The following WDR27 variants were observed in gnomAD, a reference collection of about 807,000 sequenced individuals.
WDR27 encodes WD repeat domain 27, also known as WD repeat-containing protein 27.
Under a neutral mutation model 114.4 loss-of-function variants are expected in WDR27, and 100 were observed. The observed-to-expected ratio is 0.87, with a 90% CI of 0.74 to 1.03. The LOEUF (loss-of-function observed/expected upper bound fraction) is 1.03. Among genes scored for constraint, WDR27 ranks in the 50% least tolerant of loss-of-function variants. WDR27 has a pLI of 0.00. For missense variants in WDR27, 1,129 were observed against 1,092.9 expected (o/e 1.03, Z -0.47); for synonymous variants, 449 against 423.1 (o/e 1.06, Z -0.75).
intron 21 of WDR27, among the ~76,000 whole-genome samples, chr6:169,616,260 C>A (rs1235346497): frequency 6.6e-6 from 1 of 152,112 alleles, no homozygotes; most frequent in Non-Finnish European, 1.5e-5. Context: ...GAGGCCAAGG[C>A]GGGCGGATCA....
chr6:169,543,006 C>G (rs1030066362), intron 25 of WDR27, among the ~76,000 whole-genome samples: 2 of 151,480 alleles, frequency 1.3e-5, no homozygotes, highest in African/African-American at 4.9e-5. Flanking sequence ...CAGAGCATCT[C>G]AGCATGGACT....
chr6:169,501,073 C>T (rs559649079), intron 25 of WDR27, among the ~76,000 whole-genome samples: 36 of 152,322 alleles, frequency 2.4e-4, no homozygotes, highest in African/African-American at 8.2e-4. Context: ...GATCTGAAGG[C>T]AGTAGAGAGG....
chr6:169,672,130 A>G, intron 3 of WDR27, 125 bp downstream of exon 3: 1 of 986,930 alleles, frequency 1.0e-6, no homozygotes, highest in South Asian at 1.9e-5. Context: ...GTACAAAATT[A>G]TCCCAAACCC....
chr6:169,528,285 GTTAC>G (rs1449293800), intron 25 of WDR27, among the ~76,000 whole-genome samples: 3 of 152,036 alleles, frequency 2.0e-5, no homozygotes, highest in African/African-American at 7.2e-5. Flanking sequence ...AATGAAAAAA[GTTAC>G]TTAAACAGTG....
intron 25 of WDR27, among the ~76,000 whole-genome samples, chr6:169,509,831 C>G (rs1412637737): frequency 2.0e-4 from 31 of 152,120 alleles, no homozygotes; most frequent in Non-Finnish European, 3.5e-4. Flanking sequence ...ACCACCATCA[C>G]AGTGAACAGG....
At chr6:169,524,205 T>C (rs1460533389) in intron 25 of WDR27, among the ~76,000 whole-genome samples, 1 of 151,984 alleles carries the variant, frequency 6.6e-6, no homozygotes, top group Non-Finnish European at 1.5e-5. Flanking sequence ...GAATATAAAA[T>C]GCCTAGGAAT....
At chr6:169,631,384 A>G (rs1816317167) in intron 21 of WDR27, among the ~76,000 whole-genome samples, 2 of 151,310 alleles carry the variant, frequency 1.3e-5, no homozygotes, top group South Asian at 4.2e-4. Flanking sequence ...GCCTTCTCCT[A>G]TTGAAACTTG....
At position 169,634,411 on chromosome 6, in the gene WDR27, T is replaced by A. The variant is rs1212005177; in HGVS notation, c.2101+17A>T. Reference sequence around the variant, plus strand: ...CTCAGGGCGTAAAACCCTACCAGGATCCGGGAGAAAGGATACGGGAATAAA... The same window carrying A: ...CTCAGGGCGTAAAACCCTACCAGGAACCGGGAGAAAGGATACGGGAATAAA... On this transcript the variant is annotated intron_variant, in intron 20 of 25. Transcript: ENST00000448612. 1.3e-6 allele frequency: 2 copies of A among 1,592,832 alleles called. No homozygotes were observed. The highest frequency in any genetic ancestry group is 2.2e-5 in the East Asian group (1 of 44,626).
At chr6:169,613,321 C>T (rs536943853) in intron 22 of WDR27, among the ~76,000 whole-genome samples, 1 of 152,138 alleles carries the variant, frequency 6.6e-6, no homozygotes, top group Non-Finnish European at 1.5e-5. Flanking sequence ...CCCTCAACAT[C>T]GCTGACCCAC....
intron 14 of WDR27, among the ~76,000 whole-genome samples, chr6:169,650,031 AT>A (rs1421142656): frequency 1.6e-5 from 2 of 127,652 alleles, no homozygotes; most frequent in Non-Finnish European, 1.6e-5. Context: ...CCACCCACAC[AT>A]CCATCCCTCA....
At chr6:169,698,526 T>G (rs1786904026) in intron 1 of WDR27, among the ~76,000 whole-genome samples, 1 of 152,264 alleles carries the variant, frequency 6.6e-6, no homozygotes. Flanking sequence ...AAATCATTTG[T>G]GTAAAAAGTT....
At chr6:169,617,273 T>C (rs1222929919) in intron 21 of WDR27, among the ~76,000 whole-genome samples, 1 of 152,208 alleles carries the variant, frequency 6.6e-6, no homozygotes, top group Non-Finnish European at 1.5e-5. Context: ...TGCCAGATTT[T>C]ATAGGCAAGC....
At chr6:169,551,860 C>T (rs1208545127) in intron 25 of WDR27, among the ~76,000 whole-genome samples, 2 of 152,164 alleles carry the variant, frequency 1.3e-5, no homozygotes, top group African/African-American at 4.8e-5. Context: ...CGCAACTCCG[C>T]TGCTGCTATT....
At chr6:169,466,465 C>T (rs1216901085) in intron 25 of WDR27, among the ~76,000 whole-genome samples, 1 of 152,078 alleles carries the variant, frequency 6.6e-6, no homozygotes, top group African/African-American at 2.4e-5. Flanking sequence ...GGGAAAAACC[C>T]CTTATAAAAC....
intron 25 of WDR27, among the ~76,000 whole-genome samples, chr6:169,492,239 G>C (rs1374326027): frequency 6.6e-6 from 1 of 151,304 alleles, no homozygotes; most frequent in African/African-American, 2.4e-5. Flanking sequence ...AAAAGCAGCA[G>C]ATCATTGCTC....
chr6:169,640,837 G>A (rs1037274575), intron 17 of WDR27, among the ~76,000 whole-genome samples: 2 of 149,112 alleles, frequency 1.3e-5, no homozygotes, highest in African/African-American at 5.0e-5. Context: ...GCAAGAGGCC[G>A]CGAGAGGTCG....
chr6:169,494,975 C>T (rs1790214078), intron 25 of WDR27, among the ~76,000 whole-genome samples: 1 of 152,080 alleles, frequency 6.6e-6, no homozygotes, highest in African/African-American at 2.4e-5. Flanking sequence ...ATTGCACAAA[C>T]ATTAAAAACC....
chr6:169,429,895 T>C, the WDR27 span, among the ~76,000 whole-genome samples: 1 of 152,216 alleles, frequency 6.6e-6, no homozygotes, highest in Non-Finnish European at 1.5e-5. Flanking sequence ...TTCCAAGCAA[T>C]TTCAGATGAC....
chr6:169,649,449 G>C (rs984914525), intron 14 of WDR27, among the ~76,000 whole-genome samples, 174 bp from the exon 15 acceptor site: 1 of 151,882 alleles, frequency 6.6e-6, no homozygotes, highest in Non-Finnish European at 1.5e-5. Flanking sequence ...CCCCTCCTGT[G>C]TCTCTCATGC....
Sources: allele counts gnomAD v4.1 joint callset (sites outside exome capture counted in the v4.1 genomes callset), GRCh38; gene constraint gnomAD v4.1.1; transcripts MANE v1.5; gene names NCBI Gene and HGNC (gene_info 2026-07-23, HGNC 2026-07-21).